ZBTB37: variants seen among roughly 807,000 people sequenced by gnomAD.
ZBTB37 encodes the protein zinc finger and BTB domain-containing protein 37.
Under a neutral mutation model 37.7 loss-of-function variants are expected in ZBTB37, and 15 were observed. The observed-to-expected ratio is 0.40, with a 90% CI of 0.27 to 0.61. The LOEUF (loss-of-function observed/expected upper bound fraction) is 0.61. Among genes scored for constraint, ZBTB37 ranks in the 20% least tolerant of loss-of-function variants. The pLI is 0.44. For missense variants in ZBTB37, 514 were observed against 641.9 expected, an observed-to-expected ratio of 0.80 and a Z score of 2.15; for synonymous variants, 231 against 220.6, an observed-to-expected ratio of 1.05 and a Z score of -0.42.
At chr1:173,876,066 A>G (rs947601925) in intron 4 of ZBTB37, among the ~76,000 whole-genome samples, 1 of 152,074 alleles carries the variant, frequency 6.6e-6, no homozygotes, top group African/African-American at 2.4e-5. Context: ...GATAGGAATG[A>G]TGGGTTTTTT....
downstream of ZBTB37, chr1:173,888,019 A>T (rs1656696813): frequency 6.6e-6 from 1 of 152,262 alleles, no homozygotes; most frequent in Non-Finnish European, 1.5e-5. Context: ...GAAAAAGCAT[A>T]GAAATGCATC....
At chr1:173,891,052 CTT>C (rs1656822618), downstream of ZBTB37, 2 of 152,160 alleles carry the variant, frequency 1.3e-5, no homozygotes, top group Admixed American at 6.5e-5. Context: ...TATCATAACT[CTT>C]TTTGTGCTCC....
Position 173,886,350 on chromosome 1 carries a change from T to G in ZBTB37, c.*226T>G, listed in dbSNP as rs550975814. On this transcript the variant is annotated 3_prime_UTR_variant, in exon 5 of 5. Coordinates refer to ENST00000427304, the Ensembl canonical transcript of ZBTB37. ...TTGGAAAATAATCAAGCAAATCAAC[T>G]TTCTAATTCAGGGATCAACAGCCTT... The G allele has an allele frequency of 2.9e-5, 19 of 646,420 alleles. No homozygotes were observed. In the South Asian group the frequency reaches 4.4e-4, roughly 15 times the overall value. 40.0% of individuals were successfully genotyped at this position (646,420 alleles called of 1,614,324 possible). A position where few individuals can be genotyped will look rare whatever the true frequency, so the allele number is the denominator to read the frequency against.
chr1:173,895,007 C>T (rs1181289149), exon 4 of ZBTB37: 1 of 152,116 alleles, frequency 6.6e-6, no homozygotes, highest in African/African-American at 2.4e-5. Context: ...GTACTGTGTT[C>T]CAAGTTGTGA....
At chr1:173,902,912 A>C (rs1162340497) in exon 4 of ZBTB37, 2 of 152,212 alleles carry the variant, frequency 1.3e-5, no homozygotes, top group Non-Finnish European at 2.9e-5. Flanking sequence ...GAACCGCCAA[A>C]TTGAAAAAGG....
chr1:173,877,918 T>C (rs1275399806), intron 4 of ZBTB37, among the ~76,000 whole-genome samples: 1 of 152,226 alleles, frequency 6.6e-6, no homozygotes, highest in South Asian at 2.1e-4. Context: ...AGTTACTCTT[T>C]TACTTGAAAA....
At chr1:173,882,070 G>A (rs969745611) in intron 4 of ZBTB37, among the ~76,000 whole-genome samples, 2 of 151,370 alleles carry the variant, frequency 1.3e-5, no homozygotes, top group African/African-American at 2.4e-5. Context: ...AAAAAGAGAA[G>A]TATCTATTCA....
exon 5 of ZBTB37, chr1:173,885,705 C>T (rs1205500267): frequency 6.4e-6 from 10 of 1,551,880 alleles, no homozygotes; most frequent in Middle Eastern, 1.7e-4. Flanking sequence ...AGTATCTGAG[C>T]GGTGGTTCCG....
chr1:173,890,949 T>C (rs1329120444), downstream of ZBTB37: 1 of 152,220 alleles, frequency 6.6e-6, no homozygotes, highest in Non-Finnish European at 1.5e-5. Flanking sequence ...CATGACATTT[T>C]GCCTTTATAA....
intron 3 of ZBTB37, among the ~76,000 whole-genome samples, chr1:173,871,867 A>T (rs978446587): frequency 2.0e-5 from 3 of 152,148 alleles, no homozygotes; most frequent in Admixed American, 1.3e-4. Flanking sequence ...GGTTTCAGTC[A>T]ATTGAGAGAA....
chr1:173,886,440 C>G, exon 5 of ZBTB37: 1 of 317,872 alleles, frequency 3.1e-6, no homozygotes, highest in Non-Finnish European at 5.9e-6. Context: ...GGTCATTTAT[C>G]TATCAGTCAT....
intron 4 of ZBTB37, among the ~76,000 whole-genome samples, chr1:173,875,159 TGCAC>T (rs1018890759): frequency 3.0e-5 from 4 of 135,568 alleles, no homozygotes; most frequent in African/African-American, 7.9e-5. Flanking sequence ...TGTGTGTGTG[TGCAC>T]GTGTGTACTG....
downstream of ZBTB37, chr1:173,889,608 A>G (rs1036867544): frequency 7.2e-5 from 11 of 152,234 alleles, no homozygotes; most frequent in Admixed American, 5.9e-4. Flanking sequence ...CTCTAATACC[A>G]GTATAAAATA....
At chr1:173,870,444 C>T (rs1303581492) in exon 3 of ZBTB37, 2 of 1,614,242 alleles carry the variant, frequency 1.2e-6, no homozygotes, top group African/African-American at 1.3e-5. Context: ...CCATTTCAGT[C>T]ATCAAGAACC....
intron 4 of ZBTB37, 102 bp downstream of exon 4, chr1:173,873,668 T>C: frequency 6.7e-7 from 1 of 1,502,952 alleles, no homozygotes; most frequent in Non-Finnish European, 8.9e-7. Context: ...GAGGTAACAA[T>C]GGCCCTGTTA....
At chr1:173,870,339 G>T in exon 3 of ZBTB37, 1 of 1,614,184 alleles carries the variant, frequency 6.2e-7, no homozygotes, top group Admixed American at 1.7e-5. Context: ...TGGTCAATGT[G>T]CAAGGACAAG....
downstream of ZBTB37, chr1:173,889,052 T>G (rs1231134149): frequency 2.0e-5 from 3 of 152,246 alleles, no homozygotes; most frequent in Non-Finnish European, 4.4e-5. Flanking sequence ...CAATCATGTT[T>G]GCTGGTTCTC....
downstream of ZBTB37, chr1:173,890,241 A>G (rs1415304156): frequency 6.6e-6 from 1 of 152,232 alleles, no homozygotes; most frequent in Non-Finnish European, 1.5e-5. Flanking sequence ...CTTGACATTA[A>G]TTGGGTTTCT....
downstream of ZBTB37, chr1:173,887,522 G>C (rs559844317): frequency 2.0e-5 from 3 of 152,216 alleles, no homozygotes; most frequent in South Asian, 4.1e-4. Context: ...TAGTAATTCT[G>C]GGTATTTCTA....
Sources: allele counts gnomAD v4.1 joint callset (sites outside exome capture counted in the v4.1 genomes callset), GRCh38; gene constraint gnomAD v4.1.1; transcripts MANE v1.5; gene names NCBI Gene and HGNC (gene_info 2026-07-23, HGNC 2026-07-21).